The following CELF2 variants were observed in gnomAD, a reference collection of about 807,000 sequenced individuals.
CELF2 encodes CUG triplet repeat RNA-binding protein 2.
CELF2 carries 8 observed loss-of-function variants against 62.6 expected under a neutral mutation model. That is an observed-to-expected ratio of 0.13 (90% CI 0.07 to 0.23). The LOEUF (loss-of-function observed/expected upper bound fraction) is 0.23, where lower values mean the gene tolerates loss of function less well. Ranked by LOEUF, CELF2 falls within the 10% of genes least tolerant of loss-of-function variation. The pLI is 1.00. For missense variants in CELF2, 333 were observed against 671.0 expected (o/e 0.50, Z 5.56); for synonymous variants, 258 against 250.0 (o/e 1.03, Z -0.30).
intron 8 of CELF2, among the ~76,000 whole-genome samples, chr10:11,287,506 AT>A (rs2091633013): frequency 6.6e-6 from 1 of 152,132 alleles, no homozygotes; most frequent in Non-Finnish European, 1.5e-5. Flanking sequence ...TTTCATTTCT[AT>A]TTTTTTCATA....
At chr10:10,835,233 G>T (rs1484082429) in intron 1 of CELF2, among the ~76,000 whole-genome samples, 1 of 152,038 alleles carries the variant, frequency 6.6e-6, no homozygotes, top group Non-Finnish European at 1.5e-5. Flanking sequence ...GCTCACTGCA[G>T]CCTCCGTGCT....
chr10:11,273,808 A>G (rs2084854212), intron 7 of CELF2, among the ~76,000 whole-genome samples: 1 of 151,260 alleles, frequency 6.6e-6, no homozygotes. Flanking sequence ...TGCAGCCTCC[A>G]TCTCCCAGGC....
chr10:11,186,921 G>A (rs1038369076), intron 2 of CELF2, among the ~76,000 whole-genome samples: 1 of 152,098 alleles, frequency 6.6e-6, no homozygotes, highest in Non-Finnish European at 1.5e-5. Context: ...TACCTTGTAT[G>A]GCTTAAGAAC....
chr10:11,033,711 C>A (rs190830845), intron 1 of CELF2, among the ~76,000 whole-genome samples: 155 of 152,320 alleles, frequency 1.0e-3, no homozygotes, highest in African/African-American at 3.5e-3. Context: ...TTATCTAATT[C>A]TCAGGGTTTC....
chr10:10,575,579 C>A, the CELF2 span, among the ~76,000 whole-genome samples: 1 of 152,192 alleles, frequency 6.6e-6, no homozygotes, highest in East Asian at 1.9e-4. Context: ...AGATGACTCT[C>A]TCACCATGTG....
intron 1 of CELF2, among the ~76,000 whole-genome samples, chr10:11,058,448 GT>G (rs964695810): frequency 2.1e-5 from 3 of 140,334 alleles, no homozygotes; most frequent in Non-Finnish European, 3.1e-5. Flanking sequence ...GGTACTGTTG[GT>G]TTTTTTTGTT....
chr10:10,825,278 C>T (rs1173599675), intron 1 of CELF2, among the ~76,000 whole-genome samples: 2 of 152,148 alleles, frequency 1.3e-5, no homozygotes, highest in African/African-American at 2.4e-5. Context: ...GGCGCGATCT[C>T]GACTCACTGC....
At chr10:10,640,709 T>A in the CELF2 span, among the ~76,000 whole-genome samples, 1 of 152,158 alleles carries the variant, frequency 6.6e-6, no homozygotes, top group Non-Finnish European at 1.5e-5. Flanking sequence ...ATTTGACACA[T>A]AAATCTGTGC....
chr10:10,907,845 T>A (rs1174790542), intron 1 of CELF2, among the ~76,000 whole-genome samples: 1 of 152,174 alleles, frequency 6.6e-6, no homozygotes, highest in Non-Finnish European at 1.5e-5. Context: ...GATTTGCATT[T>A]TCAGAGGTAA....
At chr10:11,284,468 T>G (rs62650663) in intron 8 of CELF2, among the ~76,000 whole-genome samples, 3 of 100,598 alleles carry the variant, frequency 3.0e-5, no homozygotes, top group Admixed American at 9.9e-5. Context: ...GGGATGAGTG[T>G]GTGGTGGGTG....
chr10:10,556,156 A>T, the CELF2 span, among the ~76,000 whole-genome samples: 39 of 152,158 alleles, frequency 2.6e-4, no homozygotes, highest in African/African-American at 8.4e-4. Flanking sequence ...AGCATTAGGT[A>T]TATCTCCCAG....
chr10:10,703,655 C>T, the CELF2 span, among the ~76,000 whole-genome samples: 5 of 152,222 alleles, frequency 3.3e-5, no homozygotes, highest in Admixed American at 2.6e-4. Context: ...GGGCTGAGAA[C>T]CATCCATCAA....
chr10:10,840,567 A>G (rs1161506650), intron 1 of CELF2, among the ~76,000 whole-genome samples: 1 of 152,134 alleles, frequency 6.6e-6, no homozygotes, highest in Non-Finnish European at 1.5e-5. Flanking sequence ...TTTATTGCTG[A>G]GTTGTAATAG....
chr10:10,906,726 T>TC (rs1368570412), intron 1 of CELF2, among the ~76,000 whole-genome samples: 1 of 143,658 alleles, frequency 7.0e-6, no homozygotes, highest in Non-Finnish European at 1.5e-5. Context: ...TCTTTTTTTT[T>TC]TTTTTTTTTT....
At chr10:11,033,383 G>A (rs936622297) in intron 1 of CELF2, among the ~76,000 whole-genome samples, 12 of 151,614 alleles carry the variant, frequency 7.9e-5, no homozygotes, top group African/African-American at 2.2e-4. Flanking sequence ...TCAGCTTCCC[G>A]AGTACCTGGG....
At chr10:10,612,110 T>C in the CELF2 span, among the ~76,000 whole-genome samples, 2 of 152,204 alleles carry the variant, frequency 1.3e-5, no homozygotes, top group Non-Finnish European at 2.9e-5. Context: ...TTGGTAGACC[T>C]ACCCATAGAA....
chr10:11,051,080 T>C (rs1317171803), intron 1 of CELF2, among the ~76,000 whole-genome samples: 1 of 152,232 alleles, frequency 6.6e-6, no homozygotes, highest in Non-Finnish European at 1.5e-5. Context: ...TAATGTTGCC[T>C]TCTTGAAAGC....
chr10:11,025,435 C>T (rs549409795), intron 1 of CELF2, among the ~76,000 whole-genome samples: 16 of 152,118 alleles, frequency 1.1e-4, no homozygotes, highest in African/African-American at 2.9e-4. Context: ...CTCACGAGAT[C>T]CGATGGTTTT....
In CELF2 at chr10:11,329,542, ACTTGGTGGC is replaced by A. The variant is rs1484470210; in HGVS notation, c.*492_*500del. The A allele has an allele frequency of 6.6e-6, 1 of 152,642 alleles. No individual in the cohort carries two copies. Among genetic ancestry groups the A allele is most frequent in the Non-Finnish European group, 1.5e-5 (1 of 68,044 alleles). 9.5% of individuals were successfully genotyped at this position (152,642 alleles called of 1,614,324 possible). ...GGGAGGGCCCGGTGCTTAGAGGTTA[ACTTGGTGGC>A]CTAGGAGAGGGAGAAGCCAGGAGAA... is the stretch of plus-strand genomic sequence containing the variant. On this transcript the variant is annotated 3_prime_UTR_variant, in exon 13 of 13. Coordinates refer to ENST00000633077, the MANE Select transcript of CELF2 (RefSeq NM_001326342.2). The surrounding 1 kb of genome is among the most constrained non-coding windows in gnomAD (Gnocchi z 5.5).
Sources: gnomAD v4.1 joint callset for allele counts (sites outside exome capture counted in the v4.1 genomes callset) on GRCh38, gnomAD v4.1.1 for gene constraint, Gnocchi (gnomAD v3.1) non-coding constraint, MANE v1.5 for transcripts, NCBI Gene and HGNC (gene_info 2026-07-23, HGNC 2026-07-21) for gene names.